The following SNTG1 variants were observed in gnomAD, a reference collection of about 807,000 sequenced individuals.
SNTG1 encodes the protein syntrophin gamma 1, also known as gamma-1-syntrophin.
In SNTG1, 39 loss-of-function variants were observed where a neutral mutation model predicts 74.7. The observed-to-expected ratio is 0.52, with a 90% CI of 0.40 to 0.68. SNTG1 has a LOEUF of 0.68. Ranked by LOEUF, SNTG1 falls within the 30% of genes least tolerant of loss-of-function variation. The probability of loss-of-function intolerance (pLI) is 0.00; values close to 1 mark genes in which losing one functional copy is unlikely to be tolerated. For synonymous variants in SNTG1, 254 were observed against 217.1 expected (o/e 1.17, Z -1.49); for missense variants, 685 against 609.5 (o/e 1.12, Z -1.30).
At chr8:50,692,175 T>C (rs1011833838) in intron 15 of SNTG1, among the ~76,000 whole-genome samples, 2 of 152,298 alleles carry the variant, frequency 1.3e-5, no homozygotes, top group Admixed American at 1.3e-4. Context: ...AGCTTTTAAC[T>C]TCTTTGCCTT....
intron 12 of SNTG1, among the ~76,000 whole-genome samples, chr8:50,556,783 C>G (rs1287574121): frequency 1.3e-5 from 2 of 152,170 alleles, no homozygotes; most frequent in Non-Finnish European, 2.9e-5. Flanking sequence ...TATGGGATCA[C>G]CTTCCATGTG....
At chr8:50,475,009 T>C (rs1435976716) in intron 8 of SNTG1, among the ~76,000 whole-genome samples, 2 of 134,746 alleles carry the variant, frequency 1.5e-5, no homozygotes, top group Admixed American at 1.8e-4. Flanking sequence ...TTCTCACTCA[T>C]AGGTGGGAAT....
At chr8:50,079,010 A>C (rs1036389719) in intron 1 of SNTG1, among the ~76,000 whole-genome samples, 1 of 152,238 alleles carries the variant, frequency 6.6e-6, no homozygotes, top group African/African-American at 2.4e-5. Flanking sequence ...ATAGTGCTGC[A>C]ATAAACATAC....
intron 2 of SNTG1, among the ~76,000 whole-genome samples, chr8:50,287,731 G>C (rs1167376733): frequency 6.6e-6 from 1 of 152,096 alleles, no homozygotes; most frequent in African/African-American, 2.4e-5. Flanking sequence ...CCATACTCCT[G>C]AGTAGGCTCT....
chr8:50,184,270 A>T lies in SNTG1; in HGVS notation c.-28+11635A>T, dbSNP rs938959425. On this transcript the variant is annotated intron_variant, in intron 2 of 18. Coordinates refer to ENST00000642720, the MANE Select transcript of SNTG1 (RefSeq NM_018967.5). ...AACCTCCGCTGCCCAGATTCAAGCA[A>T]TTCTCCTGCCTCAGCCTCCTGAATA... Among the ~76,000 whole-genome samples, 7 of 152,044 alleles carry T rather than the reference A, an allele frequency of 4.6e-5. No homozygotes were observed. In the East Asian group the frequency reaches 7.8e-4, roughly 17 times the overall value.
rs543962618 is a variant in SNTG1 at position 50,161,120 on chromosome 8, AGAT to A, written c.-102-11431_-102-11429del. Among the ~76,000 whole-genome samples, 247 of 152,346 alleles carry A rather than the reference AGAT, an allele frequency of 1.6e-3. 1 individual carries two copies. The Middle Eastern group carries it at 0.02, about 13-fold the overall frequency. ...CTAAATGATACTGATTGTGTCCTGA[AGAT>A]GATGATGATCCATGAAAGAACTTAT... is the stretch of plus-strand genomic sequence containing the variant. On this transcript the variant is annotated intron_variant, in intron 1 of 18. Coordinates refer to ENST00000642720, the MANE Select transcript of SNTG1 (RefSeq NM_018967.5).
At chr8:50,209,144 C>G (rs962155301) in intron 2 of SNTG1, among the ~76,000 whole-genome samples, 4 of 152,082 alleles carry the variant, frequency 2.6e-5, no homozygotes, top group African/African-American at 9.7e-5. Flanking sequence ...AGTATGAGAT[C>G]GAACTGCAAG....
chr8:50,649,121 T>C (rs1368052374), intron 13 of SNTG1, among the ~76,000 whole-genome samples: 1 of 152,178 alleles, frequency 6.6e-6, no homozygotes, highest in African/African-American at 2.4e-5. Flanking sequence ...TAAAATATAT[T>C]GGTGGCACAG....
At chr8:50,388,831 A>G (rs1292308886) in intron 2 of SNTG1, among the ~76,000 whole-genome samples, 1 of 152,302 alleles carries the variant, frequency 6.6e-6, no homozygotes, top group East Asian at 1.9e-4. Context: ...TCACAGCACC[A>G]CCTAGATTAG....
At chr8:50,093,231 A>T (rs570859708) in intron 1 of SNTG1, among the ~76,000 whole-genome samples, 3 of 151,956 alleles carry the variant, frequency 2.0e-5, no homozygotes, top group South Asian at 2.1e-4. Context: ...TCTCATTAAA[A>T]CTCAGTAAGT....
chr8:50,162,556 T>C (rs2082456892), intron 1 of SNTG1, among the ~76,000 whole-genome samples: 1 of 112,054 alleles, frequency 8.9e-6, no homozygotes. Flanking sequence ...CAAGACTCTG[T>C]CTCAAAAAAA....
chr8:50,371,847 G>C (rs775613646), intron 2 of SNTG1, among the ~76,000 whole-genome samples: 1 of 151,978 alleles, frequency 6.6e-6, no homozygotes, highest in Non-Finnish European at 1.5e-5. Context: ...TGTAAGTATA[G>C]CTACCCCTGC....
intron 2 of SNTG1, among the ~76,000 whole-genome samples, chr8:50,317,819 C>T (rs2090367747): frequency 6.6e-6 from 1 of 152,048 alleles, no homozygotes; most frequent in Non-Finnish European, 1.5e-5. Context: ...TATGACATCA[C>T]TTATTGTCTG....
At chr8:50,389,320 A>C (rs1446685451) in intron 2 of SNTG1, among the ~76,000 whole-genome samples, 1 of 152,156 alleles carries the variant, frequency 6.6e-6, no homozygotes, top group Admixed American at 6.5e-5. Context: ...GAGCACATGA[A>C]TGATTGGTTA....
intron 15 of SNTG1, among the ~76,000 whole-genome samples, chr8:50,663,115 A>C (rs2095233048): frequency 6.6e-6 from 1 of 152,074 alleles, no homozygotes; most frequent in African/African-American, 2.4e-5. Flanking sequence ...AGCCAGTAGG[A>C]GGGGAGGAGC....
chr8:50,736,156 A>T lies in SNTG1; in HGVS notation c.1285-15845A>T, dbSNP rs571933950. ...TGGAAAGGAAAAAACAGTACCAGCC[A>T]CTGCAAGAACATACCAAATTGTAAA... On this transcript the variant is annotated intron_variant, in intron 17 of 18. Coordinates refer to ENST00000642720, the MANE Select transcript of SNTG1 (RefSeq NM_018967.5). 2.0e-5 allele frequency among the ~76,000 whole-genome samples: 3 copies of T among 152,182 alleles called. No individual in the cohort carries two copies. The East Asian group carries it at 5.8e-4, about 30-fold the overall frequency.
At chr8:50,780,360 G>A (rs1200718417) in intron 18 of SNTG1, among the ~76,000 whole-genome samples, 1 of 152,064 alleles carries the variant, frequency 6.6e-6, no homozygotes, top group Non-Finnish European at 1.5e-5. Flanking sequence ...GTAAGCTATT[G>A]ATTATTGCCA....
intron 1 of SNTG1, among the ~76,000 whole-genome samples, chr8:50,101,461 T>C (rs1039259279): frequency 2.0e-5 from 3 of 152,190 alleles, no homozygotes; most frequent in Non-Finnish European, 2.9e-5. Context: ...GAGTTTTTAA[T>C]AATAACCATC....
chr8:49,940,316 G>A (rs779210968), intron 1 of SNTG1, among the ~76,000 whole-genome samples: 5 of 152,140 alleles, frequency 3.3e-5, no homozygotes, highest in Non-Finnish European at 7.3e-5. Context: ...ACATATCTGA[G>A]GAATGGCTGT....
Sources: gnomAD v4.1 joint callset for allele counts (sites outside exome capture counted in the v4.1 genomes callset) on GRCh38, gnomAD v4.1.1 for gene constraint, MANE v1.5 for transcripts, NCBI Gene and HGNC (gene_info 2026-07-23, HGNC 2026-07-21) for gene names.